Variants in SLIT2 observed in about 807,000 individuals in gnomAD.
SLIT2 encodes the protein slit guidance ligand 2, also known as slit homolog 2 protein.
Under a neutral mutation model 185.7 loss-of-function variants are expected in SLIT2, and 41 were observed. The ratio of observed to expected loss-of-function variants is 0.22; its 90% CI spans 0.17 to 0.29. The LOEUF (loss-of-function observed/expected upper bound fraction) is 0.29, where lower values mean the gene tolerates loss of function less well. SLIT2 is among the 10% of genes least tolerant of loss of function. The pLI, the probability that SLIT2 is intolerant of heterozygous loss-of-function variation, is 1.00. For missense variants in SLIT2, 1,571 were observed against 1,909.0 expected, an observed-to-expected ratio of 0.82 and a Z score of 3.30; for synonymous variants, 693 against 680.2, an observed-to-expected ratio of 1.02 and a Z score of -0.29.
chr4:20,313,765 G>A (rs1718331977), intron 4 of SLIT2, among the ~76,000 whole-genome samples: 1 of 152,016 alleles, frequency 6.6e-6, no homozygotes, highest in Admixed American at 6.6e-5. Flanking sequence ...AAGCACAGTT[G>A]GCAAAAGGGT....
intron 33 of SLIT2, among the ~76,000 whole-genome samples, chr4:20,604,042 G>A (rs757180613): frequency 6.6e-6 from 1 of 152,088 alleles, no homozygotes; most frequent in Non-Finnish European, 1.5e-5. Flanking sequence ...TTCATGTTTG[G>A]TTATGAGAAT....
intron 5 of SLIT2, among the ~76,000 whole-genome samples, chr4:20,478,028 G>A (rs1188037376): frequency 6.6e-6 from 1 of 152,122 alleles, no homozygotes; most frequent in Non-Finnish European, 1.5e-5. Context: ...CAGAAACCCT[G>A]AAATAAATTA....
At chr4:20,592,671 T>C (rs1727604006) in intron 30 of SLIT2, among the ~76,000 whole-genome samples, 1 of 152,138 alleles carries the variant, frequency 6.6e-6, no homozygotes. Context: ...ATTCAGAGTG[T>C]TTCAAAGCAT....
chr4:20,414,388 GA>G (rs1362289166), intron 4 of SLIT2, among the ~76,000 whole-genome samples: 4 of 151,880 alleles, frequency 2.6e-5, no homozygotes, highest in African/African-American at 9.7e-5. Flanking sequence ...TAAATTAGAT[GA>G]AAAAAAGTTG....
chr4:20,335,755 G>T (rs1720441256), intron 4 of SLIT2, among the ~76,000 whole-genome samples: 2 of 152,014 alleles, frequency 1.3e-5, no homozygotes, highest in Admixed American at 1.3e-4. Context: ...TTTAAATGGG[G>T]CTATAACCAT....
intron 7 of SLIT2, among the ~76,000 whole-genome samples, chr4:20,487,670 A>G (rs553234606): frequency 1.3e-5 from 2 of 152,162 alleles, no homozygotes; most frequent in Non-Finnish European, 2.9e-5. Context: ...GCAAGAGGTC[A>G]CCCATCTTTC....
At chr4:20,384,315 C>T (rs1446016441) in intron 4 of SLIT2, among the ~76,000 whole-genome samples, 2 of 152,138 alleles carry the variant, frequency 1.3e-5, no homozygotes, top group East Asian at 3.9e-4. Flanking sequence ...TATAATATTC[C>T]AGGAAAATCA....
At chr4:20,429,943 G>A (rs1407796153) in intron 4 of SLIT2, among the ~76,000 whole-genome samples, 2 of 152,124 alleles carry the variant, frequency 1.3e-5, no homozygotes, top group East Asian at 1.9e-4. Context: ...AATCTATGAT[G>A]TTCTAAATAA....
At chr4:20,391,857 C>T (rs990698012) in intron 4 of SLIT2, among the ~76,000 whole-genome samples, 4 of 151,976 alleles carry the variant, frequency 2.6e-5, no homozygotes, top group African/African-American at 9.7e-5. Context: ...GAAAAAAAGT[C>T]CTCAAAATGG....
At chr4:20,511,595 T>TTTTTTTTTTTTTTTTA (rs1211611464) in intron 11 of SLIT2, among the ~76,000 whole-genome samples, 28 of 137,828 alleles carry the variant, frequency 2.0e-4, no homozygotes, top group Non-Finnish European at 3.1e-4. Context: ...TAATTTTTTT[T>TTTTTTTTTTTTTTTTA]TTTTTTTTAT....
In SLIT2 at chr4:20,589,946, G is replaced by A. The variant is rs556565395; in HGVS notation, c.3182+209G>A. On this transcript the variant is annotated intron_variant, in intron 30 of 36. Transcript: ENST00000504154. ...TTTTGAGATGGAGTCTGGCCCTGTT[G>A]CCCAGCTGGAGTGCAGTGGCACGAT... 1.9e-4 allele frequency among the ~76,000 whole-genome samples: 22 copies of A among 116,044 alleles called. No homozygotes were observed. In the South Asian group the frequency reaches 6.2e-3, roughly 33 times the overall value. 76.1% of individuals were successfully genotyped at this position (116,044 alleles called of 152,430 possible). A position where few individuals can be genotyped will look rare whatever the true frequency, so the allele number is the denominator to read the frequency against.
At chr4:20,292,022 G>A (rs1716004243) in intron 4 of SLIT2, among the ~76,000 whole-genome samples, 1 of 151,494 alleles carries the variant, frequency 6.6e-6, no homozygotes, top group South Asian at 2.1e-4. Context: ...CTGGACTATG[G>A]CTGAGATTTG....
chr4:20,492,919 A>G (rs1459810519), intron 9 of SLIT2, among the ~76,000 whole-genome samples: 1 of 152,222 alleles, frequency 6.6e-6, no homozygotes, highest in Admixed American at 6.5e-5. Context: ...TAATGTGCTT[A>G]GAGCTTTGCA....
intron 4 of SLIT2, among the ~76,000 whole-genome samples, chr4:20,392,928 G>GA (rs1247515558): frequency 6.6e-6 from 1 of 151,942 alleles, no homozygotes; most frequent in African/African-American, 2.4e-5. Flanking sequence ...TTATTAGTAG[G>GA]AGTACATGCT....
At chr4:20,399,927 A>G (rs1450191710) in intron 4 of SLIT2, among the ~76,000 whole-genome samples, 1 of 151,742 alleles carries the variant, frequency 6.6e-6, no homozygotes, top group East Asian at 1.9e-4. Context: ...AAGATGATGG[A>G]TGAGGATAAT....
intron 4 of SLIT2, among the ~76,000 whole-genome samples, chr4:20,277,450 C>T (rs948635347): frequency 6.6e-6 from 1 of 151,762 alleles, no homozygotes; most frequent in Non-Finnish European, 1.5e-5. Context: ...TTTGATTGGA[C>T]ACTACTTTTG....
intron 4 of SLIT2, among the ~76,000 whole-genome samples, chr4:20,343,801 C>CCA (rs1721158726): frequency 2.3e-5 from 1 of 42,772 alleles, no homozygotes. Context: ...GTCCTTAAAA[C>CCA]TAAAAAAAAA....
chr4:20,297,414 G>T (rs1373997608), intron 4 of SLIT2, among the ~76,000 whole-genome samples: 1 of 152,106 alleles, frequency 6.6e-6, no homozygotes, highest in Non-Finnish European at 1.5e-5. Flanking sequence ...TATTCTGAGG[G>T]TTTTCCCCCC....
chr4:20,335,402 A>G (rs1452298198), intron 4 of SLIT2, among the ~76,000 whole-genome samples: 1 of 152,204 alleles, frequency 6.6e-6, no homozygotes, highest in Non-Finnish European at 1.5e-5. Context: ...TTATTATTCA[A>G]TGAATGTTTG....
Sources: gnomAD v4.1 joint callset for allele counts (sites outside exome capture counted in the v4.1 genomes callset) on GRCh38, gnomAD v4.1.1 for gene constraint, MANE v1.5 for transcripts, NCBI Gene and HGNC (gene_info 2026-07-23, HGNC 2026-07-21) for gene names.